The following SEMA3A variants were observed in gnomAD, a reference collection of about 807,000 sequenced individuals.
The protein encoded by SEMA3A is semaphorin 3A, also known as semaphorin-3A.
SEMA3A carries 29 observed loss-of-function variants against 97.9 expected under a neutral mutation model. That is an observed-to-expected ratio of 0.30 (90% CI 0.22 to 0.40). The LOEUF (loss-of-function observed/expected upper bound fraction) is 0.40, where lower values mean the gene tolerates loss of function less well. Among genes scored for constraint, SEMA3A ranks in the 10% least tolerant of loss-of-function variants. SEMA3A has a pLI of 1.00. For synonymous variants in SEMA3A, 321 were observed against 323.7 expected, an observed-to-expected ratio of 0.99 and a Z score of 0.09; for missense variants, 763 against 951.3, an observed-to-expected ratio of 0.80 and a Z score of 2.60.
chr7:83,994,422 C>T lies in SEMA3A; in HGVS notation c.1452+7533G>A, dbSNP rs1790110098. Among the ~76,000 whole-genome samples the T allele has an allele frequency of 1.7e-5, 2 of 121,158 alleles. 1 individual carries two copies. The highest frequency in any genetic ancestry group is 6.1e-5 in the African/African-American group (2 of 32,838). The allele number at this position is 121,158 out of a possible 152,430, so 79.5% of individuals were successfully genotyped here. On this transcript the variant is annotated intron_variant, in intron 12 of 16. Coordinates refer to ENST00000265362, the MANE Select transcript of SEMA3A (RefSeq NM_006080.3). ...TTTTAGAGTTTCCAGTTTTTCTGCT[C>T]TGTTTTTTCCCCATCTTTGTGGTTT...
chr7:84,408,829 G>A (rs982313850), intron 1 of SEMA3A, among the ~76,000 whole-genome samples: 4 of 151,512 alleles, frequency 2.6e-5, no homozygotes, highest in African/African-American at 4.9e-5. Context: ...TCACTCATAG[G>A]TGGGAATTGA....
intron 1 of SEMA3A, among the ~76,000 whole-genome samples, chr7:84,488,352 A>G (rs1055264860): frequency 4.7e-5 from 7 of 150,486 alleles, no homozygotes; most frequent in African/African-American, 1.7e-4. Flanking sequence ...ACACACACAT[A>G]TATATATGTA....
chr7:84,380,861 C>T (rs1429879640), intron 1 of SEMA3A, among the ~76,000 whole-genome samples: 1 of 152,184 alleles, frequency 6.6e-6, no homozygotes, highest in East Asian at 1.9e-4. Flanking sequence ...CTCATGCAGT[C>T]ATCTCCCTTT....
At position 84,489,811 on chromosome 7, in the gene SEMA3A, T is replaced by C. The variant is rs374451207; in HGVS notation, c.-246+2649A>G. 2.6e-5 allele frequency among the ~76,000 whole-genome samples: 4 copies of C among 152,136 alleles called. No homozygotes were observed. In the East Asian group the frequency reaches 5.8e-4, roughly 22 times the overall value. ...TCCTTCACTATAAGTGAACATGAAG[T>C]TATTAAGTTATGTAAGTGTTGATAT... On this transcript the variant is annotated intron_variant, in intron 1 of 3. Coordinates refer to the SEMA3A transcript ENST00000424555.
intron 4 of SEMA3A, among the ~76,000 whole-genome samples, chr7:84,064,323 A>C (rs1339791635): frequency 6.6e-6 from 1 of 152,120 alleles, no homozygotes; most frequent in Non-Finnish European, 1.5e-5. Context: ...TCATGCCAAA[A>C]TGTAAACACC....
intron 2 of SEMA3A, among the ~76,000 whole-genome samples, chr7:84,366,332 T>C (rs1358168550): frequency 3.3e-5 from 5 of 151,348 alleles, no homozygotes; most frequent in Non-Finnish European, 7.4e-5. Flanking sequence ...AGCAGAAATA[T>C]ATCATCCCAT....
intron 1 of SEMA3A, among the ~76,000 whole-genome samples, chr7:84,392,359 G>A (rs1266785243): frequency 1.3e-5 from 2 of 152,046 alleles, no homozygotes; most frequent in Non-Finnish European, 2.9e-5. Context: ...TTAGTATAAT[G>A]TTCTGCAATT....
At chr7:84,441,576 C>T (rs1400327664) in intron 1 of SEMA3A, among the ~76,000 whole-genome samples, 1 of 151,838 alleles carries the variant, frequency 6.6e-6, no homozygotes, top group African/African-American at 2.4e-5. Context: ...GGCAGACCAA[C>T]ATACAGAAAA....
At chr7:84,325,264 C>T (rs1481292971) in intron 2 of SEMA3A, among the ~76,000 whole-genome samples, 1 of 151,992 alleles carries the variant, frequency 6.6e-6, no homozygotes, top group African/African-American at 2.4e-5. Flanking sequence ...ATAAAACTAA[C>T]ATTCAAGTGA....
intron 4 of SEMA3A, among the ~76,000 whole-genome samples, chr7:84,062,712 G>C (rs544574176): frequency 6.6e-6 from 1 of 152,200 alleles, no homozygotes; most frequent in South Asian, 2.1e-4. Context: ...CTTTTCCGGC[G>C]GGCTTAAAAA....
intron 12 of SEMA3A, among the ~76,000 whole-genome samples, chr7:83,986,207 G>A (rs1789629622): frequency 6.6e-6 from 1 of 152,196 alleles, no homozygotes; most frequent in Admixed American, 6.5e-5. Context: ...GCTGATGAGA[G>A]TAGGCCACTT....
rs1408890451 is a variant in SEMA3A, at chr7:84,164,712, T to A, written c.113-29761A>T. The stretch of plus-strand genomic sequence containing the variant: ...TAGTAAATCACTTGAGAACAGAACA[T>A]GGACAGCTTGGCTTAAGAATACTCT... On this transcript the variant is annotated intron_variant, in intron 1 of 16. Coordinates refer to ENST00000265362, the MANE Select transcript of SEMA3A (RefSeq NM_006080.3). 2.6e-5 allele frequency among the ~76,000 whole-genome samples: 4 copies of A among 152,198 alleles called. 1 individual carries two copies. The highest frequency in any genetic ancestry group is 9.6e-5 in the African/African-American group (4 of 41,454).
At chr7:84,350,245 C>T (rs905223297) in intron 2 of SEMA3A, among the ~76,000 whole-genome samples, 3 of 152,012 alleles carry the variant, frequency 2.0e-5, no homozygotes, top group African/African-American at 7.2e-5. Flanking sequence ...TCTACATCTC[C>T]TCCTTTACTG....
intron 12 of SEMA3A, among the ~76,000 whole-genome samples, chr7:83,990,649 G>C (rs889467541): frequency 2.1e-5 from 3 of 145,406 alleles, no homozygotes; most frequent in Middle Eastern, 3.4e-3. Flanking sequence ...CTCTATTTCT[G>C]AGGGCTCTGT....
rs940513952 is a variant in SEMA3A at position 84,060,902 on chromosome 7, A to G, written c.454-344T>C. ...TATCATAATGGCTTTTGAGGAAAGA[A>G]TGTTAAACTTAAATAAAATGACTCA... is the stretch of plus-strand genomic sequence containing the variant. On this transcript the variant is annotated intron_variant, in intron 4 of 16. Transcript: ENST00000265362. 5.9e-5 allele frequency among the ~76,000 whole-genome samples: 9 copies of G among 152,224 alleles called. No homozygotes were observed. The East Asian group carries it at 1.3e-3, about 23-fold the overall frequency.
At chr7:84,401,271 C>CA (rs1387772768) in intron 1 of SEMA3A, among the ~76,000 whole-genome samples, 1 of 151,952 alleles carries the variant, frequency 6.6e-6, no homozygotes, top group African/African-American at 2.4e-5. Flanking sequence ...AAAATAGCTA[C>CA]AAAAAATACC....
At chr7:84,033,347 A>T (rs1415201556) in intron 6 of SEMA3A, among the ~76,000 whole-genome samples, 2 of 152,322 alleles carry the variant, frequency 1.3e-5, no homozygotes, top group Admixed American at 1.3e-4. Context: ...TAAGAGTGCT[A>T]GCAGCTGTAT....
chr7:84,487,029 T>A (rs578058539), intron 1 of SEMA3A, among the ~76,000 whole-genome samples: 1 of 152,150 alleles, frequency 6.6e-6, no homozygotes, highest in Non-Finnish European at 1.5e-5. Context: ...ACTAATTAGA[T>A]GCCTCTTTGA....
chr7:84,169,590 G>A lies in SEMA3A; in HGVS notation c.112+24885C>T, dbSNP rs146621906. ...ATTTCTATTGTTCAGATATTGAAAC[G>A]TAGATTCATAATATTAAGATGGAAT... On this transcript the variant is annotated intron_variant, in intron 1 of 16. Coordinates refer to ENST00000265362, the MANE Select transcript of SEMA3A (RefSeq NM_006080.3). 4.1e-3 allele frequency among the ~76,000 whole-genome samples: 611 copies of A among 150,030 alleles called. 3 individuals carry two copies. Among genetic ancestry groups the A allele is most frequent in the Non-Finnish European group, 6.6e-3 (446 of 67,298 alleles).
Sources: allele counts gnomAD v4.1 joint callset (sites outside exome capture counted in the v4.1 genomes callset), GRCh38; gene constraint gnomAD v4.1.1; transcripts MANE v1.5; gene names NCBI Gene and HGNC (gene_info 2026-07-23, HGNC 2026-07-21).